GRK3: variants seen among roughly 807,000 people sequenced by gnomAD.
The protein encoded by GRK3 is adrenergic, beta, receptor kinase 2.
A neutral mutation model predicts 95.7 loss-of-function variants in GRK3; 54 were observed. That is an observed-to-expected ratio of 0.56 (90% CI 0.45 to 0.71). The LOEUF is 0.71. Ranked by LOEUF, GRK3 falls within the 30% of genes least tolerant of loss-of-function variation. The pLI, the probability that GRK3 is intolerant of heterozygous loss-of-function variation, is 0.00. For missense variants in GRK3, 649 were observed against 851.2 expected, an observed-to-expected ratio of 0.76 and a Z score of 2.96; for synonymous variants, 281 against 290.8, an observed-to-expected ratio of 0.97 and a Z score of 0.34.
intron 13 of GRK3, among the ~76,000 whole-genome samples, chr22:25,698,118 G>A (rs1353702071): frequency 2.0e-5 from 3 of 148,252 alleles, no homozygotes; most frequent in African/African-American, 7.5e-5. Flanking sequence ...AGGAGGGAAG[G>A]AAGAAAGGAG....
chr22:25,619,681 A>G (rs368256705), intron 2 of GRK3, among the ~76,000 whole-genome samples: 19 of 116,862 alleles, frequency 1.6e-4, no homozygotes, highest in African/African-American at 5.8e-4. Flanking sequence ...TTTTGTAGAG[A>G]TAGGATCTGG....
intron 1 of GRK3, among the ~76,000 whole-genome samples, chr22:25,586,404 G>C (rs71322110): frequency 6.6e-5 from 10 of 152,400 alleles, no homozygotes; most frequent in South Asian, 2.1e-4. Flanking sequence ...AATGCTGGAG[G>C]GGTTGGATAC....
intron 2 of GRK3, among the ~76,000 whole-genome samples, chr22:25,626,837 G>A (rs528509446): frequency 6.6e-5 from 10 of 152,314 alleles, no homozygotes; most frequent in African/African-American, 2.4e-4. Context: ...GTTGGCAGTG[G>A]CACCCATACC....
chr22:25,634,088 A>G (rs1377167838), intron 2 of GRK3, among the ~76,000 whole-genome samples: 1 of 152,136 alleles, frequency 6.6e-6, no homozygotes, highest in African/African-American at 2.4e-5. Context: ...CATTCAATTC[A>G]TGACTTTCTA....
intron 1 of GRK3, among the ~76,000 whole-genome samples, chr22:25,570,219 C>T (rs906927341): frequency 6.6e-6 from 1 of 152,084 alleles, no homozygotes; most frequent in Non-Finnish European, 1.5e-5. Flanking sequence ...CCTTATTTCC[C>T]ATGAGCTTGA....
rs187800009 is a variant in GRK3 at position 25,648,660 on chromosome 22, A to G, written c.264+3995A>G. 98 of 1,023,342 alleles carry G rather than the reference A, an allele frequency of 9.6e-5. No individual in the cohort carries two copies. In the African/African-American group the frequency reaches 1.4e-3, roughly 14 times the overall value. The allele number at this position is 1,023,342 out of a possible 1,614,324, so 63.4% of individuals were successfully genotyped here. ...TTACATTGTCACTGAATTGATGTCA[A>G]AAGGAAGCTTATTCAATTTCCTTAA... On this transcript the variant is annotated intron_variant, in intron 3 of 20. Coordinates refer to ENST00000324198, the MANE Select transcript of GRK3 (RefSeq NM_005160.4).
chr22:25,665,316 C>T (rs1182467697), intron 5 of GRK3, among the ~76,000 whole-genome samples: 1 of 152,206 alleles, frequency 6.6e-6, no homozygotes, highest in Non-Finnish European at 1.5e-5. Context: ...CAGTTTTCAT[C>T]TGACTTTGCC....
In GRK3 at chr22:25,685,383, C is replaced by T; in HGVS notation, c.826+135C>T. 3 of 683,110 alleles carry T rather than the reference C, an allele frequency of 4.4e-6. 1 individual carries two copies. The highest frequency in any genetic ancestry group is 3.5e-5 in the South Asian group (2 of 56,530). 42.3% of individuals were successfully genotyped at this position (683,110 alleles called of 1,614,324 possible). ...GGTTCCCCCTGAAGTTTGAGGAAAC[C>T]TTTTACCCTTTAATCTTCACTGAAA... On this transcript the variant is annotated intron_variant, in intron 10 of 20. Coordinates refer to ENST00000324198, the MANE Select transcript of GRK3 (RefSeq NM_005160.4).
At chr22:25,595,431 G>C (rs908511057) in intron 1 of GRK3, among the ~76,000 whole-genome samples, 1 of 152,114 alleles carries the variant, frequency 6.6e-6, no homozygotes, top group African/African-American at 2.4e-5. Context: ...AAATACTTAG[G>C]AATACATCAA....
At chr22:25,607,257 C>T (rs1488874649) in intron 2 of GRK3, among the ~76,000 whole-genome samples, 1 of 152,120 alleles carries the variant, frequency 6.6e-6, no homozygotes, top group Non-Finnish European at 1.5e-5. Context: ...CTTTCTTATA[C>T]AGCCGCAGTA....
chr22:25,718,251 C>T lies in GRK3; in HGVS notation c.1661C>T (p.Ala554Val), dbSNP rs1406397497. The T allele has an allele frequency of 6.2e-7, 1 of 1,613,626 alleles. No homozygotes were observed. The highest frequency in any genetic ancestry group is 1.7e-5 in the Admixed American group (1 of 59,988). Residue 554 changes from alanine (A) to valine (V), a missense_variant, in exon 19 of 21, where the codon GCT becomes GTT. Around this residue, in one of 3 missense-constraint regions of GRK3, gnomAD observed 382 missense variants for 493.8 expected, o/e 0.77. Coordinates refer to ENST00000324198, the MANE Select transcript of GRK3 (RefSeq NM_005160.4). ...NKQLGHEEDY[A>V]LGKDCIMHGY... ...GTGATTTTGTATTCCTCAGATTACG[C>T]TCTGGGGAAGGACTGTATTATGCAC... is the stretch of plus-strand genomic sequence containing the variant.
In GRK3 at chr22:25,617,012, G is replaced by C. The variant is rs192867867; in HGVS notation, c.190+12559G>C. Among the ~76,000 whole-genome samples the C allele has an allele frequency of 3.9e-3, 593 of 152,244 alleles. 3 individuals are homozygous for C. Among genetic ancestry groups the C allele is most frequent in the Non-Finnish European group, 6.5e-3 (444 of 68,018 alleles). The stretch of plus-strand genomic sequence containing the variant: ...CTAGATGAACAGAGAAGATTCTTAC[G>C]GGTGTGAATCAGGAGTGAAATCCCA... On this transcript the variant is annotated intron_variant, in intron 2 of 20. Transcript: ENST00000324198.
At position 25,663,662 on chromosome 22, in the gene GRK3, A is replaced by T; in HGVS notation, c.399A>T (p.Gln133His). ...CAAAGCAAGCTGTAGAACACGTACA[A>T]AGTCATTTATCCAAGAAACAAGTGA... ...PFSKQAVEHV[Q>H]SHLSKKQVTS... is the part of the protein sequence containing the mutation. Residue 133 changes from glutamine to histidine, a missense_variant, in exon 5 of 21, where the codon CAA (glutamine) becomes CAT (histidine). Gln to His is a conservative substitution (Grantham distance 24, BLOSUM62 0). Transcript: ENST00000324198. The T allele has an allele frequency of 6.2e-7, 1 of 1,611,890 alleles. No homozygotes were observed.
intron 8 of GRK3, among the ~76,000 whole-genome samples, chr22:25,677,913 G>C (rs2085044799): frequency 6.6e-6 from 1 of 152,134 alleles, no homozygotes; most frequent in African/African-American, 2.4e-5. Flanking sequence ...CTAAATATGA[G>C]TTTGTTCCAG....
intron 2 of GRK3, among the ~76,000 whole-genome samples, chr22:25,618,215 C>T (rs1249529564): frequency 6.6e-6 from 1 of 152,254 alleles, no homozygotes; most frequent in African/African-American, 2.4e-5. Context: ...GCCCTGTGAA[C>T]ATACACTATC....
intron 3 of GRK3, chr22:25,647,291 A>C (rs2084792665): frequency 8.5e-7 from 1 of 1,178,012 alleles, no homozygotes; most frequent in Non-Finnish European, 1.3e-6. Context: ...AAGAAAACAA[A>C]AGTCCAGCCA....
chr22:25,675,218 C>T (rs2085018253), intron 8 of GRK3, among the ~76,000 whole-genome samples: 1 of 150,570 alleles, frequency 6.6e-6, no homozygotes, highest in Non-Finnish European at 1.5e-5. Context: ...AATAAAGACT[C>T]ACCGACGATG....
At chr22:25,621,389 A>T (rs184436079) in intron 2 of GRK3, among the ~76,000 whole-genome samples, 1 of 152,162 alleles carries the variant, frequency 6.6e-6, no homozygotes, top group Non-Finnish European at 1.5e-5. Flanking sequence ...TAGTATATTG[A>T]TTCACATGTT....
intron 2 of GRK3, among the ~76,000 whole-genome samples, chr22:25,620,060 T>C (rs1289812458): frequency 1.1e-5 from 1 of 89,594 alleles, no homozygotes; most frequent in African/African-American, 3.6e-5. Flanking sequence ...GTGTGTGTGG[T>C]TTTAAGGAGT....
Sources: gnomAD v4.1 joint callset for allele counts (sites outside exome capture counted in the v4.1 genomes callset) on GRCh38, gnomAD v4.1.1 for gene constraint, gnomAD v4.1.1 regional missense constraint, MANE v1.5 for transcripts, NCBI Gene and HGNC (gene_info 2026-07-23, HGNC 2026-07-21) for gene names.